METTL6: variants seen among roughly 807,000 people sequenced by gnomAD.
METTL6 encodes tRNA N(3)-cytidine methyltransferase METTL6.
METTL6 carries 22 observed loss-of-function variants against 26.4 expected under a neutral mutation model. The ratio of observed to expected loss-of-function variants is 0.83; its 90% CI spans 0.59 to 1.19. The LOEUF (loss-of-function observed/expected upper bound fraction) is 1.19. Among genes scored for constraint, METTL6 ranks in the 50% most tolerant of loss-of-function variants. The pLI, the probability that METTL6 is intolerant of heterozygous loss-of-function variation, is 0.00. For missense variants in METTL6, 304 were observed against 324.8 expected (o/e 0.94, Z 0.49); for synonymous variants, 109 against 116.2 (o/e 0.94, Z 0.40).
chr3:15,403,643 CT>C (rs1699707742), intron 6 of METTL6, among the ~76,000 whole-genome samples: 1 of 152,120 alleles, frequency 6.6e-6, no homozygotes, highest in African/African-American at 2.4e-5. Flanking sequence ...GTTTCCCTAC[CT>C]TCTAGCACAT....
At chr3:15,400,424 T>G (rs901676795) in intron 6 of METTL6, among the ~76,000 whole-genome samples, 1 of 152,206 alleles carries the variant, frequency 6.6e-6, no homozygotes, top group African/African-American at 2.4e-5. Flanking sequence ...TGTTAATCTG[T>G]CTACTGTCAA....
intron 4 of METTL6, chr3:15,414,856 A>C: frequency 1.6e-6 from 1 of 612,148 alleles, no homozygotes; most frequent in South Asian, 1.5e-5. Flanking sequence ...CAGGAAGTTG[A>C]GGCTGCAGTG....
At chr3:15,404,762 C>T (rs1227026410), downstream of METTL6, among the ~76,000 whole-genome samples, 1 of 152,150 alleles carries the variant, frequency 6.6e-6, no homozygotes, top group African/African-American at 2.4e-5. Flanking sequence ...GCACTGTAGC[C>T]TTGAACACCT....
chr3:15,412,627 G>A (rs1235895132), intron 5 of METTL6, among the ~76,000 whole-genome samples: 1 of 151,776 alleles, frequency 6.6e-6, no homozygotes. Flanking sequence ...AGGACCACAA[G>A]TGCATGCCAC....
In METTL6 at chr3:15,389,213, C is replaced by T. The variant is rs570842572; in HGVS notation, c.*12-5026G>A. On this transcript the variant is annotated intron_variant, in intron 6 of 6. Coordinates refer to the METTL6 transcript ENST00000443029. ...TGTGCTACATTTCCCAGGCTGGTCT[C>T]GAACTCCTGCCCTCAAGCAATCCTC... Among the ~76,000 whole-genome samples, 24 of 151,662 alleles carry T rather than the reference C, an allele frequency of 1.6e-4. No homozygotes were observed. The South Asian group carries it at 3.8e-3, about 24-fold the overall frequency.
intron 6 of METTL6, among the ~76,000 whole-genome samples, chr3:15,403,638 C>T (rs1328598104): frequency 6.6e-6 from 1 of 152,102 alleles, no homozygotes; most frequent in East Asian, 1.9e-4. Flanking sequence ...GAGCTGTTTC[C>T]CTACCTTCTA....
intron 6 of METTL6, among the ~76,000 whole-genome samples, chr3:15,402,911 G>A (rs1699688106): frequency 6.6e-6 from 1 of 152,186 alleles, no homozygotes; most frequent in Admixed American, 6.5e-5. Context: ...CAGGCAAGAA[G>A]AGGGTTTATT....
chr3:15,418,130 A>G (rs1474666275), intron 3 of METTL6, among the ~76,000 whole-genome samples: 2 of 152,218 alleles, frequency 1.3e-5, no homozygotes, highest in Non-Finnish European at 2.9e-5. Context: ...ACTGGCCCTT[A>G]TAATATGTCT....
At chr3:15,421,066 T>A (rs775531624) in intron 3 of METTL6, among the ~76,000 whole-genome samples, 8 of 152,148 alleles carry the variant, frequency 5.3e-5, no homozygotes, top group Non-Finnish European at 1.0e-4. Flanking sequence ...CAGAACAGGA[T>A]AAAGAAGAAC....
At chr3:15,423,982 T>G (rs2061664727) in intron 3 of METTL6, among the ~76,000 whole-genome samples, 1 of 151,496 alleles carries the variant, frequency 6.6e-6, no homozygotes. Flanking sequence ...TGAGGCAGGT[T>G]GATCACCTGA....
chr3:15,390,712 G>C (rs555689047), intron 6 of METTL6, among the ~76,000 whole-genome samples: 1 of 152,328 alleles, frequency 6.6e-6, no homozygotes, highest in South Asian at 2.1e-4. Context: ...CAGCTCTTCA[G>C]TCCGAGGACA....
intron 6 of METTL6, among the ~76,000 whole-genome samples, chr3:15,394,809 TGA>T (rs1437517723): frequency 9.2e-5 from 14 of 152,312 alleles, no homozygotes; most frequent in African/African-American, 3.1e-4. Flanking sequence ...TGAGTGGTTT[TGA>T]GAGTGAGTTT....
Position 15,426,331 on chromosome 3 carries a change from G to C in METTL6, c.181C>G (p.His61Asp). 1 of 1,614,212 alleles carries C rather than the reference G, an allele frequency of 6.2e-7. No homozygotes were observed. Among genetic ancestry groups the C allele is most frequent in the Non-Finnish European group, 8.5e-7 (1 of 1,180,050 alleles). The change falls in exon 2 of 6, where the codon CAC becomes GAC. Residue 61 changes from histidine (H) to aspartate (D), a missense_variant. Coordinates refer to ENST00000383790, the MANE Select transcript of METTL6 (RefSeq NM_152396.4). ...TCCTCAAACTCTCTGGTGGTCCAGTGTCTGTCTTTGAAGAAATTAGTGCTA... is the reference window on the plus strand; with the variant it reads ...TCCTCAAACTCTCTGGTGGTCCAGTCTCTGTCTTTGAAGAAATTAGTGCTA... ...RNSTNFFKDRHWTTREFEELR... is the reference protein window; with the variant it reads ...RNSTNFFKDRDWTTREFEELR...
intron 6 of METTL6, among the ~76,000 whole-genome samples, chr3:15,393,796 C>T (rs1699413354): frequency 1.3e-5 from 2 of 152,142 alleles, no homozygotes; most frequent in African/African-American, 4.8e-5. Flanking sequence ...TGCTGGATTA[C>T]ATTTATTGAT....
intron 2 of METTL6, among the ~76,000 whole-genome samples, chr3:15,425,807 C>T (rs2061706703): frequency 6.6e-6 from 1 of 152,182 alleles, no homozygotes. Flanking sequence ...ATATGTTAAC[C>T]AAACCAGAAA....
downstream of METTL6, among the ~76,000 whole-genome samples, chr3:15,404,828 T>C (rs1176105633): frequency 4.6e-5 from 7 of 152,284 alleles, no homozygotes; most frequent in South Asian, 2.1e-4. Flanking sequence ...TACAGGCATA[T>C]GCTACTGTGC....
At chr3:15,386,079 T>C (rs1043038331) in intron 6 of METTL6, among the ~76,000 whole-genome samples, 23 of 152,200 alleles carry the variant, frequency 1.5e-4, no homozygotes, top group African/African-American at 5.3e-4. Context: ...CTTATGGTTA[T>C]TTCTTGCTTA....
chr3:15,395,578 A>C (rs1256125349), intron 6 of METTL6, among the ~76,000 whole-genome samples: 6 of 151,340 alleles, frequency 4.0e-5, no homozygotes, highest in Admixed American at 6.6e-5. Context: ...TTAGTTGATG[A>C]AGTTTCTTCC....
downstream of METTL6, among the ~76,000 whole-genome samples, chr3:15,406,318 T>C (rs1699782164): frequency 6.6e-6 from 1 of 151,456 alleles, no homozygotes; most frequent in African/African-American, 2.4e-5. Flanking sequence ...TGATCCTCTG[T>C]TGTATTAATT....
Sources: allele counts gnomAD v4.1 joint callset (sites outside exome capture counted in the v4.1 genomes callset), GRCh38; gene constraint gnomAD v4.1.1; transcripts MANE v1.5; gene names NCBI Gene and HGNC (gene_info 2026-07-23, HGNC 2026-07-21).